Variants in CDKL1 observed in about 807,000 individuals in gnomAD.
The protein encoded by CDKL1 is cyclin-dependent kinase-like 1.
CDKL1 carries 41 observed loss-of-function variants against 42.0 expected under a neutral mutation model. That is an observed-to-expected ratio of 0.98 (90% CI 0.76 to 1.27). CDKL1 has a LOEUF of 1.27. Ranked by LOEUF, CDKL1 falls within the 50% of genes most tolerant of loss-of-function variation. CDKL1 has a pLI of 0.00. For missense variants in CDKL1, 394 were observed against 428.4 expected, an observed-to-expected ratio of 0.92 and a Z score of 0.71; for synonymous variants, 153 against 158.6, an observed-to-expected ratio of 0.96 and a Z score of 0.26.
chr14:50,380,379 G>A, intron 2 of CDKL1: 3 of 383,606 alleles, frequency 7.8e-6, no homozygotes, highest in South Asian at 3.8e-5. Flanking sequence ...CAGCAGCTGG[G>A]CCAGATATGG....
At chr14:50,358,031 G>A in intron 3 of CDKL1, 1 of 1,355,780 alleles carries the variant, frequency 7.4e-7, no homozygotes, top group Non-Finnish European at 9.9e-7. Context: ...CACCCTGCAA[G>A]AGGCTGCCCT....
intron 2 of CDKL1, among the ~76,000 whole-genome samples, chr14:50,362,548 T>A (rs2034295913): frequency 6.6e-6 from 1 of 152,210 alleles, no homozygotes; most frequent in African/African-American, 2.4e-5. Flanking sequence ...AGAACCTTTA[T>A]GTGTAGCTAA....
intron 6 of CDKL1, among the ~76,000 whole-genome samples, chr14:50,339,522 A>AGGG (rs1566576934): frequency 7.3e-5 from 10 of 136,866 alleles, no homozygotes; most frequent in African/African-American, 2.5e-4. Context: ...GGGAGGGAGG[A>AGGG]AGAGAGGGAG....
chr14:50,384,990 C>T (rs2035030391), intron 2 of CDKL1, among the ~76,000 whole-genome samples: 1 of 144,580 alleles, frequency 6.9e-6, no homozygotes, highest in South Asian at 2.2e-4. Flanking sequence ...AGAATTGCTT[C>T]AACCCAGGAG....
At chr14:50,343,651 C>G (rs909431506) in intron 4 of CDKL1, among the ~76,000 whole-genome samples, 1 of 152,158 alleles carries the variant, frequency 6.6e-6, no homozygotes, top group Non-Finnish European at 1.5e-5. Context: ...GCACCCACCC[C>G]CATCAGCACA....
At chr14:50,378,497 T>C in intron 2 of CDKL1, 1 of 1,281,484 alleles carries the variant, frequency 7.8e-7, no homozygotes, top group Non-Finnish European at 1.0e-6. Context: ...GACTTAATTC[T>C]TGACAAGGAC....
intron 2 of CDKL1, among the ~76,000 whole-genome samples, chr14:50,382,719 G>T (rs1330077203): frequency 2.0e-5 from 3 of 151,892 alleles, no homozygotes; most frequent in Non-Finnish European, 4.4e-5. Flanking sequence ...TCAGCCTCCT[G>T]AATAGCTGGG....
chr14:50,338,931 A>G lies in CDKL1; in HGVS notation c.738+16T>C. 6.4e-7 allele frequency: 1 copy of G among 1,563,048 alleles called. No individual in the cohort carries two copies. Among genetic ancestry groups the G allele is most frequent in the East Asian group, 2.2e-5 (1 of 44,654 alleles). On this transcript the variant is annotated intron_variant, in intron 7 of 9. Coordinates refer to ENST00000395834, the MANE Select transcript of CDKL1 (RefSeq NM_004196.7). ...TAGCCTGGCCTACAGAGCTCTCTCC[A>G]AAATGGGTAACTCACCATATCTTCA...
chr14:50,350,410 G>T (rs985585510), intron 3 of CDKL1, among the ~76,000 whole-genome samples: 1 of 152,168 alleles, frequency 6.6e-6, no homozygotes, highest in Non-Finnish European at 1.5e-5. Flanking sequence ...AGCTCTTCTA[G>T]CTCAAAAGCA....
rs1243075675 is a variant in CDKL1, at chr14:50,341,031, C to T, written c.655+1G>A. On this transcript the variant is annotated splice_donor_variant, in intron 6 of 9. Transcript: ENST00000395834. LOFTEE classifies it high-confidence loss of function. ...AAAGGTGGGACAAAAACACCACTTA[C>T]CCAAGGTCTTCCTAATCAGATACAG... The T allele has an allele frequency of 1.9e-6, 3 of 1,611,710 alleles. No individual in the cohort carries two copies. Among genetic ancestry groups the T allele is most frequent in the African/African-American group, 2.7e-5 (2 of 74,920 alleles).
intron 2 of CDKL1, chr14:50,378,297 G>A (rs1021784369): frequency 1.5e-6 from 2 of 1,366,460 alleles, no homozygotes; most frequent in African/African-American, 3.0e-5. Flanking sequence ...GGATGAGGTT[G>A]TTGCAGTGCC....
chr14:50,393,276 A>G (rs1292583908), intron 2 of CDKL1, among the ~76,000 whole-genome samples: 1 of 152,210 alleles, frequency 6.6e-6, no homozygotes, highest in African/African-American at 2.4e-5. Flanking sequence ...AACCCAGTCT[A>G]TAAGGGGTGA....
intron 8 of CDKL1, chr14:50,332,961 A>G (rs974750645): frequency 3.4e-6 from 1 of 291,298 alleles, no homozygotes; most frequent in African/African-American, 2.3e-5. Context: ...CATTATAAGT[A>G]TATATGATCA....
chr14:50,334,846 A>C, intron 7 of CDKL1: 1 of 491,590 alleles, frequency 2.0e-6, no homozygotes. Flanking sequence ...TACTCCCTTA[A>C]CTTCCTGCTC....
chr14:50,377,457 C>T, intron 2 of CDKL1: 1 of 555,946 alleles, frequency 1.8e-6, no homozygotes, highest in Non-Finnish European at 2.4e-6. Context: ...TCTCTGGTAT[C>T]ACTTCCCAAA....
intron 2 of CDKL1, among the ~76,000 whole-genome samples, chr14:50,387,617 A>C (rs1378099805): frequency 6.6e-6 from 1 of 151,992 alleles, no homozygotes; most frequent in East Asian, 1.9e-4. Flanking sequence ...TGAGGACCCC[A>C]GTTTGCCCCA....
At chr14:50,346,656 T>TTTG (rs200197411) in intron 3 of CDKL1, among the ~76,000 whole-genome samples, 2,179 of 128,568 alleles carry the variant, frequency 0.017, 35 homozygotes, top group Non-Finnish European at 0.024. Flanking sequence ...TTTTTGGTTT[T>TTTG]TTTTTTTTTT....
At chr14:50,372,085 T>C (rs2034606060) in intron 2 of CDKL1, among the ~76,000 whole-genome samples, 1 of 152,178 alleles carries the variant, frequency 6.6e-6, no homozygotes, top group Non-Finnish European at 1.5e-5. Context: ...TTTGAGTGTA[T>C]TATATGTTTT....
Position 50,363,648 on chromosome 14 carries a change from T to G in CDKL1, c.169-4499A>C, listed in dbSNP as rs569850738. ...TCTTTCCATTTTCCACATTCCATAT[T>G]TAGTCCTCATGTCTCCAGCTGGCTC... On this transcript the variant is annotated intron_variant, in intron 2 of 9. Transcript: ENST00000395834. Among the ~76,000 whole-genome samples, 11 of 152,328 alleles carry G rather than the reference T, an allele frequency of 7.2e-5. No individual in the cohort carries two copies. In the South Asian group the frequency reaches 2.3e-3, roughly 32 times the overall value.
Sources: allele counts gnomAD v4.1 joint callset (sites outside exome capture counted in the v4.1 genomes callset), GRCh38; gene constraint gnomAD v4.1.1; transcripts MANE v1.5; gene names NCBI Gene and HGNC (gene_info 2026-07-23, HGNC 2026-07-21).